PKHD1: variants seen among roughly 807,000 people sequenced by gnomAD.
PKHD1 encodes PKHD1 ciliary IPT domain containing fibrocystin/polyductin, also known as fibrocystin.
Under a neutral mutation model 412.0 loss-of-function variants are expected in PKHD1, and 291 were observed. That is an observed-to-expected ratio of 0.71 (90% CI 0.64 to 0.78). The LOEUF (loss-of-function observed/expected upper bound fraction) is 0.78. Among genes scored for constraint, PKHD1 ranks in the 30% least tolerant of loss-of-function variants. The pLI is 0.00. For missense variants in PKHD1, 4,825 were observed against 4,950.7 expected (o/e 0.97, Z 0.76); for synonymous variants, 1,777 against 1,821.5 (o/e 0.98, Z 0.62).
chr6:51,730,704 T>A (rs752936752), intron 60 of PKHD1, among the ~76,000 whole-genome samples: 23 of 152,232 alleles, frequency 1.5e-4, no homozygotes, highest in Non-Finnish European at 3.1e-4. Flanking sequence ...GATGAGAATT[T>A]GCTTAGTACT....
chr6:52,070,003 A>C (rs1810359577), intron 10 of PKHD1, among the ~76,000 whole-genome samples: 1 of 152,176 alleles, frequency 6.6e-6, no homozygotes, highest in South Asian at 2.1e-4. Context: ...AGAATTCCAG[A>C]ATGCTAATTT....
intron 60 of PKHD1, among the ~76,000 whole-genome samples, chr6:51,671,185 C>G (rs1392961944): frequency 6.6e-6 from 1 of 152,044 alleles, no homozygotes; most frequent in East Asian, 1.9e-4. Flanking sequence ...TCAGGTACAC[C>G]AATCAGACGT....
intron 57 of PKHD1, 133 bp from the exon 58 acceptor site, chr6:51,748,798 T>C (rs1011973747): frequency 5.2e-6 from 4 of 775,866 alleles, no homozygotes; most frequent in African/African-American, 3.4e-5. Flanking sequence ...AACATTATAT[T>C]TCACACCATA....
intron 57 of PKHD1, 115 bp downstream of exon 57, chr6:51,753,086 T>G: frequency 4.5e-6 from 4 of 894,374 alleles, no homozygotes; most frequent in Non-Finnish European, 7.2e-6. Flanking sequence ...ACAAAGGAAC[T>G]ATCTCATTTG....
At chr6:51,885,255 AG>A (rs1778026222) in intron 45 of PKHD1, among the ~76,000 whole-genome samples, 1 of 152,210 alleles carries the variant, frequency 6.6e-6, no homozygotes, top group African/African-American at 2.4e-5. Flanking sequence ...GATAATGAAG[AG>A]TAAATGATTG....
chr6:51,819,960 T>C (rs1357035254), intron 52 of PKHD1, among the ~76,000 whole-genome samples: 1 of 152,166 alleles, frequency 6.6e-6, no homozygotes, highest in Admixed American at 6.6e-5. Context: ...AACATTGACC[T>C]AAAAATAAAA....
At chr6:51,784,655 C>T (rs1367554726) in intron 53 of PKHD1, among the ~76,000 whole-genome samples, 3 of 152,136 alleles carry the variant, frequency 2.0e-5, no homozygotes, top group Non-Finnish European at 4.4e-5. Flanking sequence ...TAGAAAGCAA[C>T]ACTGTATATC....
chr6:52,025,230 T>C lies in PKHD1; in HGVS notation c.4580A>G (p.Asn1527Ser). The C allele has an allele frequency of 6.2e-7, 1 of 1,614,156 alleles. No homozygotes were observed. Among genetic ancestry groups the C allele is most frequent in the East Asian group, 2.2e-5 (1 of 44,886 alleles). ...GTGGCTTGCATTAAAAAAAGTTACA[T>C]TGCAAGGAAGTTGATCATCCACAAA... Reference protein sequence around the residue: ...MVFVDDQLPCNVTFFNASHVV... With the variant: ...MVFVDDQLPCSVTFFNASHVV... The change falls in exon 32 of 67, where the codon AAT (asparagine) becomes AGT (serine). Residue 1527 changes from asparagine to serine, a missense_variant. Coordinates refer to ENST00000371117, the MANE Select transcript of PKHD1 (RefSeq NM_138694.4).
intron 43 of PKHD1, among the ~76,000 whole-genome samples, chr6:51,897,500 G>A (rs1040272529): frequency 5.4e-5 from 8 of 149,330 alleles, no homozygotes; most frequent in Admixed American, 5.3e-4. Context: ...CCCTAAAAGA[G>A]CTCCTGAAGG....
intron 36 of PKHD1, among the ~76,000 whole-genome samples, chr6:51,938,500 C>CT (rs397970318): frequency 4.5e-5 from 6 of 134,564 alleles, no homozygotes; most frequent in Admixed American, 8.3e-5. Flanking sequence ...TGTGACCCCC[C>CT]ACTCCTGCCC....
intron 35 of PKHD1, among the ~76,000 whole-genome samples, chr6:51,994,159 C>T (rs11755772): frequency 0.41 from 61,010 of 147,742 alleles, 12,660 homozygotes; most frequent in Middle Eastern, 0.58. Flanking sequence ...TTTTGAGACA[C>T]AGTCTCGCTC....
At chr6:51,898,142 T>A (rs1302444067) in intron 43 of PKHD1, among the ~76,000 whole-genome samples, 1 of 152,030 alleles carries the variant, frequency 6.6e-6, no homozygotes, top group African/African-American at 2.4e-5. Context: ...AGGAATTGAA[T>A]TCAGCTCTGC....
intron 6 of PKHD1, among the ~76,000 whole-genome samples, chr6:52,075,824 T>C (rs1811253253): frequency 6.6e-6 from 1 of 152,190 alleles, no homozygotes; most frequent in African/African-American, 2.4e-5. Flanking sequence ...CTTAACCTTT[T>C]GCTACCTCAT....
At chr6:52,038,634 A>G (rs981571159) in intron 27 of PKHD1, among the ~76,000 whole-genome samples, 2 of 152,172 alleles carry the variant, frequency 1.3e-5, no homozygotes, top group African/African-American at 4.8e-5. Flanking sequence ...TTATGGGACA[A>G]TAAATTTTTG....
intron 35 of PKHD1, 25 bp downstream of exon 35, chr6:52,010,284 G>A (rs773942738): frequency 2.4e-5 from 38 of 1,603,418 alleles, no homozygotes; most frequent in Non-Finnish European, 2.8e-5. Flanking sequence ...GTTTGAATCA[G>A]TCTGTAAAAA....
At chr6:51,976,678 G>A (rs972784827) in intron 35 of PKHD1, among the ~76,000 whole-genome samples, 8 of 152,156 alleles carry the variant, frequency 5.3e-5, no homozygotes, top group African/African-American at 1.4e-4. Flanking sequence ...GGCCAGGCAC[G>A]GTGGCTCACG....
chr6:51,959,422 AG>A (rs754807597), intron 36 of PKHD1, among the ~76,000 whole-genome samples: 1 of 152,128 alleles, frequency 6.6e-6, no homozygotes, highest in Non-Finnish European at 1.5e-5. Context: ...GCAATAAGAA[AG>A]CCTATTTATA....
At chr6:51,680,101 A>G (rs892896556) in intron 60 of PKHD1, among the ~76,000 whole-genome samples, 1 of 152,052 alleles carries the variant, frequency 6.6e-6, no homozygotes, top group Non-Finnish European at 1.5e-5. Flanking sequence ...GTATTTTAAA[A>G]GGCTCAGAAC....
intron 52 of PKHD1, among the ~76,000 whole-genome samples, chr6:51,796,163 T>C (rs1794558153): frequency 6.6e-6 from 1 of 152,126 alleles, no homozygotes; most frequent in African/African-American, 2.4e-5. Flanking sequence ...GGTAGGCTAC[T>C]TATTACTGCC....
Sources: gnomAD v4.1 joint callset for allele counts (sites outside exome capture counted in the v4.1 genomes callset) on GRCh38, gnomAD v4.1.1 for gene constraint, MANE v1.5 for transcripts, NCBI Gene and HGNC (gene_info 2026-07-23, HGNC 2026-07-21) for gene names.